Variants in NIBAN1 observed in about 807,000 individuals in gnomAD.
NIBAN1 encodes niban apoptosis regulator 1, also known as protein Niban 1.
Under a neutral mutation model 75.1 loss-of-function variants are expected in NIBAN1, and 81 were observed. The ratio of observed to expected loss-of-function variants is 1.08; its 90% CI spans 0.90 to 1.30. The LOEUF (loss-of-function observed/expected upper bound fraction) is 1.30, where lower values mean the gene tolerates loss of function less well. Among genes scored for constraint, NIBAN1 ranks in the 50% most tolerant of loss-of-function variants. NIBAN1 has a pLI of 0.00. For missense variants in NIBAN1, 1,133 were observed against 1,128.1 expected (o/e 1.00, Z -0.06); for synonymous variants, 436 against 424.8 (o/e 1.03, Z -0.32).
chr1:184,855,309 G>A (rs1047216077), intron 5 of NIBAN1, among the ~76,000 whole-genome samples: 5 of 152,150 alleles, frequency 3.3e-5, no homozygotes, highest in Admixed American at 1.3e-4. Context: ...CATTTCTACA[G>A]GTAGCATCCT....
intron 1 of NIBAN1, among the ~76,000 whole-genome samples, chr1:184,952,831 G>A (rs938277009): frequency 1.3e-5 from 2 of 152,166 alleles, no homozygotes; most frequent in African/African-American, 4.8e-5. Context: ...AAGTCACATG[G>A]TATGTGCCAG....
intron 1 of NIBAN1, among the ~76,000 whole-genome samples, chr1:184,917,903 T>C (rs763374946): frequency 1.3e-5 from 2 of 152,156 alleles, no homozygotes; most frequent in Non-Finnish European, 2.9e-5. Flanking sequence ...CCTGAATCCA[T>C]TGTTCTCAGA....
intron 1 of NIBAN1, among the ~76,000 whole-genome samples, chr1:184,934,551 G>T (rs1486585093): frequency 6.6e-6 from 1 of 152,016 alleles, no homozygotes; most frequent in African/African-American, 2.4e-5. Context: ...ATCACTTGAG[G>T]CCAGGAGTTC....
At chr1:184,867,177 C>G (rs1655979041) in intron 5 of NIBAN1, among the ~76,000 whole-genome samples, 1 of 152,020 alleles carries the variant, frequency 6.6e-6, no homozygotes, top group South Asian at 2.1e-4. Context: ...CTCTCACACA[C>G]ACACACCCCT....
intron 5 of NIBAN1, among the ~76,000 whole-genome samples, chr1:184,836,932 G>C (rs1466047773): frequency 6.6e-6 from 1 of 152,140 alleles, no homozygotes; most frequent in East Asian, 1.9e-4. Flanking sequence ...ATATACATTT[G>C]TTCTTAAGAT....
chr1:184,961,221 G>T (rs1324809341), intron 1 of NIBAN1, among the ~76,000 whole-genome samples: 2 of 151,288 alleles, frequency 1.3e-5, no homozygotes, highest in South Asian at 4.2e-4. Flanking sequence ...GGCGCCTGCC[G>T]CCACGCCTGG....
At chr1:184,833,001 G>A (rs1056304121) in intron 5 of NIBAN1, among the ~76,000 whole-genome samples, 6 of 151,932 alleles carry the variant, frequency 3.9e-5, no homozygotes, top group Admixed American at 2.6e-4. Flanking sequence ...AAATAAAAGG[G>A]CAAAGTGAAG....
intron 9 of NIBAN1, among the ~76,000 whole-genome samples, chr1:184,815,714 G>A (rs912015688): frequency 3.3e-5 from 5 of 152,164 alleles, no homozygotes. Context: ...AAAAAATGAA[G>A]GCCCAGTGTA....
intron 13 of NIBAN1, among the ~76,000 whole-genome samples, chr1:184,797,474 T>C (rs1464886004): frequency 6.6e-6 from 1 of 151,948 alleles, no homozygotes; most frequent in Admixed American, 6.5e-5. Context: ...AGTTTTCCTA[T>C]CCACAATCCA....
intron 3 of NIBAN1, among the ~76,000 whole-genome samples, chr1:184,891,475 T>C (rs1056159503): frequency 2.0e-5 from 3 of 152,212 alleles, no homozygotes; most frequent in African/African-American, 7.2e-5. Context: ...CAAAAGTGAA[T>C]TGTATTACTA....
chr1:184,941,878 C>T (rs182136139), intron 1 of NIBAN1, among the ~76,000 whole-genome samples: 37 of 152,218 alleles, frequency 2.4e-4, no homozygotes, highest in Admixed American at 8.5e-4. Flanking sequence ...CAGCTACAAC[C>T]GGGGTTCAGT....
At chr1:184,852,861 A>G (rs979492583) in intron 5 of NIBAN1, among the ~76,000 whole-genome samples, 15 of 152,132 alleles carry the variant, frequency 9.9e-5, no homozygotes, top group African/African-American at 3.6e-4. Flanking sequence ...GGAAGATATT[A>G]AATGGCATGT....
At chr1:184,896,027 A>T (rs1022099753) in intron 2 of NIBAN1, among the ~76,000 whole-genome samples, 4 of 152,178 alleles carry the variant, frequency 2.6e-5, no homozygotes, top group Admixed American at 6.5e-5. Flanking sequence ...AAACACACAC[A>T]TACAGGAGTC....
chr1:184,934,598 T>C lies in NIBAN1; in HGVS notation c.56-35289A>G, dbSNP rs552232708. 3.3e-5 allele frequency among the ~76,000 whole-genome samples: 5 copies of C among 152,122 alleles called. No homozygotes were observed. In the South Asian group the frequency reaches 8.3e-4, roughly 25 times the overall value. On this transcript the variant is annotated intron_variant, in intron 1 of 13. Coordinates refer to ENST00000367511, the MANE Select transcript of NIBAN1 (RefSeq NM_052966.4). ...GGACAACACAGTAAGACTCCATCTC[T>C]ACAAAAATAAATAAATGGCCACTAG...
chr1:184,961,063 T>A (rs1383572307), intron 1 of NIBAN1, among the ~76,000 whole-genome samples: 1 of 116,268 alleles, frequency 8.6e-6, no homozygotes, highest in African/African-American at 3.5e-5. Context: ...CGTTCTTTTT[T>A]TTTTTTTTTT....
chr1:184,861,995 T>C (rs537533488), intron 5 of NIBAN1, among the ~76,000 whole-genome samples: 23 of 152,348 alleles, frequency 1.5e-4, no homozygotes, highest in Admixed American at 7.8e-4. Flanking sequence ...ACAAATTTTC[T>C]ATCCTTTTCT....
chr1:184,874,639 C>A (rs535342289), intron 5 of NIBAN1, among the ~76,000 whole-genome samples: 36 of 151,802 alleles, frequency 2.4e-4, no homozygotes, highest in Non-Finnish European at 4.3e-4. Context: ...TGTATATATA[C>A]ATATATAACT....
chr1:184,959,709 T>C (rs901535173), intron 1 of NIBAN1, among the ~76,000 whole-genome samples: 1 of 152,220 alleles, frequency 6.6e-6, no homozygotes, highest in African/African-American at 2.4e-5. Flanking sequence ...TGCTTTTAAA[T>C]TTTTATTAGA....
chr1:184,883,681 C>T (rs1656435790), intron 5 of NIBAN1, among the ~76,000 whole-genome samples: 1 of 152,190 alleles, frequency 6.6e-6, no homozygotes, highest in South Asian at 2.1e-4. Context: ...AGCATCAGTG[C>T]CACTCGGCCG....
Sources: allele counts gnomAD v4.1 joint callset (sites outside exome capture counted in the v4.1 genomes callset), GRCh38; gene constraint gnomAD v4.1.1; transcripts MANE v1.5; gene names NCBI Gene and HGNC (gene_info 2026-07-23, HGNC 2026-07-21).